The following KIAA0319L variants were observed in gnomAD, a reference collection of about 807,000 sequenced individuals.
KIAA0319L encodes the protein dyslexia-associated protein KIAA0319-like protein.
A neutral mutation model predicts 120.1 loss-of-function variants in KIAA0319L; 55 were observed. That is an observed-to-expected ratio of 0.46 (90% CI 0.37 to 0.57). KIAA0319L has a LOEUF of 0.57. KIAA0319L is among the 20% of genes least tolerant of loss of function. The pLI is 0.00. For synonymous variants in KIAA0319L, 398 were observed against 471.9 expected (o/e 0.84, Z 2.03); for missense variants, 1,049 against 1,255.3 (o/e 0.84, Z 2.48).
At chr1:35,497,992 T>G (rs1644873967) in intron 3 of KIAA0319L, among the ~76,000 whole-genome samples, 1 of 152,216 alleles carries the variant, frequency 6.6e-6, no homozygotes, top group South Asian at 2.1e-4. Context: ...ACTGTATTTT[T>G]AAGGAAACAG....
upstream of KIAA0319L, chr1:35,557,640 G>A: frequency 1.3e-5 from 6 of 456,328 alleles, no homozygotes; most frequent in Non-Finnish European, 2.6e-5. Flanking sequence ...CCAGCCCCCA[G>A]ACTCGGGCAA....
chr1:35,554,305 C>T (rs372380105), intron 2 of KIAA0319L, 45 bp downstream of exon 2: 270 of 1,458,122 alleles, frequency 1.9e-4, no homozygotes, highest in Non-Finnish European at 1.1e-4. Flanking sequence ...CATAAAATGC[C>T]CTTTTCTAAA....
chr1:35,440,767 G>A (rs1185708846), intron 20 of KIAA0319L: 2 of 446,052 alleles, frequency 4.5e-6, no homozygotes, highest in Non-Finnish European at 8.2e-6. Flanking sequence ...TGGAAAAGCG[G>A]AACTCCAGGT....
intron 3 of KIAA0319L, among the ~76,000 whole-genome samples, chr1:35,495,954 A>G (rs572374304): frequency 7.2e-5 from 11 of 152,298 alleles, no homozygotes; most frequent in African/African-American, 2.6e-4. Flanking sequence ...CAAAACCACA[A>G]TGAGATTCAA....
At chr1:35,537,183 A>G (rs1258730094) in intron 2 of KIAA0319L, among the ~76,000 whole-genome samples, 2 of 152,228 alleles carry the variant, frequency 1.3e-5, no homozygotes, top group East Asian at 3.8e-4. Context: ...GATGTCGTGA[A>G]TCTACCAATT....
chr1:35,508,184 T>C (rs1273507067), intron 2 of KIAA0319L, among the ~76,000 whole-genome samples: 1 of 152,112 alleles, frequency 6.6e-6, no homozygotes, highest in East Asian at 1.9e-4. Context: ...CAGCAAAGGG[T>C]TGGCTCACAG....
chr1:35,468,919 T>TA (rs1304835226), intron 6 of KIAA0319L, among the ~76,000 whole-genome samples: 1 of 152,202 alleles, frequency 6.6e-6, no homozygotes, highest in Non-Finnish European at 1.5e-5. Context: ...TTGTCATTTG[T>TA]AAAAAAGATA....
intron 3 of KIAA0319L, among the ~76,000 whole-genome samples, chr1:35,502,199 C>A (rs1342660028): frequency 6.6e-6 from 1 of 150,962 alleles, no homozygotes; most frequent in African/African-American, 2.4e-5. Context: ...TCACTTGAAC[C>A]CAGAGGCAGA....
intron 2 of KIAA0319L, among the ~76,000 whole-genome samples, chr1:35,514,609 G>A (rs1645606304): frequency 6.6e-6 from 1 of 152,072 alleles, no homozygotes; most frequent in African/African-American, 2.4e-5. Flanking sequence ...AGACAAAACA[G>A]ATTTTAAACC....
intron 2 of KIAA0319L, among the ~76,000 whole-genome samples, chr1:35,523,051 T>C (rs1161839358): frequency 6.6e-6 from 1 of 151,586 alleles, no homozygotes; most frequent in African/African-American, 2.4e-5. Flanking sequence ...TTGTATGGTT[T>C]GGACCCTACC....
chr1:35,548,579 A>C (rs1647075206), intron 2 of KIAA0319L, among the ~76,000 whole-genome samples: 1 of 152,172 alleles, frequency 6.6e-6, no homozygotes, highest in East Asian at 1.9e-4. Flanking sequence ...TCTTACACAT[A>C]TATAAGACAT....
intron 2 of KIAA0319L, among the ~76,000 whole-genome samples, chr1:35,526,372 C>CATATATATATACATACATATATATATAT (rs1479694512): frequency 1.3e-3 from 161 of 128,224 alleles, no homozygotes; most frequent in Non-Finnish European, 1.7e-3. Context: ...TATATACATA[C>CATATATATATACATACATATATATATAT]ATATATATAT....
At chr1:35,492,429 G>A (rs1362237508) in intron 3 of KIAA0319L, among the ~76,000 whole-genome samples, 2 of 151,932 alleles carry the variant, frequency 1.3e-5, no homozygotes, top group South Asian at 2.1e-4. Context: ...CAGGAGAATC[G>A]CTTGAACCCA....
Position 35,460,452 on chromosome 1 carries a change from A to G in KIAA0319L, c.1295-15T>C. 1 of 1,610,760 alleles carries G rather than the reference A, an allele frequency of 6.2e-7. No homozygotes were observed. Among genetic ancestry groups the G allele is most frequent in the South Asian group, 1.1e-5 (1 of 90,356 alleles). ...ATCAGTGCTTTCTTGACCATAAAGA[A>G]ACATCAGTTACAACATGAGAACGCT... On this transcript the variant is annotated splice_polypyrimidine_tract_variant and intron_variant, in intron 8 of 20. Transcript: ENST00000325722.
intron 4 of KIAA0319L, 62 bp from the exon 5 acceptor site, chr1:35,474,968 T>C (rs1026608135): frequency 4.6e-5 from 44 of 960,606 alleles, no homozygotes; most frequent in Non-Finnish European, 5.9e-5. Context: ...ATTTCTCTCT[T>C]TCTTTTGTGA....
intron 8 of KIAA0319L, among the ~76,000 whole-genome samples, chr1:35,461,809 C>G (rs564281906): frequency 3.3e-5 from 5 of 152,202 alleles, no homozygotes; most frequent in African/African-American, 1.2e-4. Flanking sequence ...CCTCTCTTCC[C>G]TCCTGGCCTA....
At chr1:35,496,473 C>T (rs1644811486) in intron 3 of KIAA0319L, among the ~76,000 whole-genome samples, 1 of 152,114 alleles carries the variant, frequency 6.6e-6, no homozygotes, top group Admixed American at 6.6e-5. Flanking sequence ...ATTCCACTCC[C>T]ACATATTTAC....
intron 15 of KIAA0319L, among the ~76,000 whole-genome samples, chr1:35,448,609 G>A (rs11578328): frequency 0.041 from 6,307 of 152,258 alleles, 184 homozygotes; most frequent in Non-Finnish European, 0.065. Context: ...GAGTAATGAC[G>A]GGAGTGGGGA....
chr1:35,442,216 G>A (rs775918823), intron 19 of KIAA0319L, 30 bp downstream of exon 19: 13 of 1,528,496 alleles, frequency 8.5e-6, no homozygotes, highest in Admixed American at 8.3e-5. Flanking sequence ...CAAGAAGCCC[G>A]AATGAATTTC....
Sources: allele counts gnomAD v4.1 joint callset (sites outside exome capture counted in the v4.1 genomes callset), GRCh38; gene constraint gnomAD v4.1.1; transcripts MANE v1.5; gene names NCBI Gene and HGNC (gene_info 2026-07-23, HGNC 2026-07-21).